ZMYND11: variants seen among roughly 807,000 people sequenced by gnomAD.
ZMYND11 encodes zinc finger MYND domain-containing protein 11.
Under a neutral mutation model 84.9 loss-of-function variants are expected in ZMYND11, and 9 were observed. That is an observed-to-expected ratio of 0.11 (90% CI 0.06 to 0.18). The LOEUF is 0.18. Ranked by LOEUF, ZMYND11 falls within the 10% of genes least tolerant of loss-of-function variation. The pLI, the probability that ZMYND11 is intolerant of heterozygous loss-of-function variation, is 1.00. For missense variants in ZMYND11, 409 were observed against 761.0 expected, an observed-to-expected ratio of 0.54 and a Z score of 5.44; for synonymous variants, 250 against 244.1, an observed-to-expected ratio of 1.02 and a Z score of -0.23.
intron 2 of ZMYND11, among the ~76,000 whole-genome samples, chr10:205,702 TA>T (rs946388721): frequency 2.0e-5 from 3 of 148,440 alleles, no homozygotes; most frequent in Non-Finnish European, 4.5e-5. Flanking sequence ...AAATAAAAAA[TA>T]AAAAAAAAGG....
chr10:160,168 C>A (rs1486656417), intron 1 of ZMYND11, among the ~76,000 whole-genome samples: 2 of 152,156 alleles, frequency 1.3e-5, no homozygotes, highest in Non-Finnish European at 2.9e-5. Context: ...TGGTTCCAGA[C>A]CACCACAACA....
At chr10:173,593 C>T (rs572179431) in intron 1 of ZMYND11, among the ~76,000 whole-genome samples, 1 of 152,146 alleles carries the variant, frequency 6.6e-6, no homozygotes, top group Admixed American at 6.6e-5. Context: ...CATGGTGGTG[C>T]ATGCCTGTAG....
In ZMYND11 at chr10:252,217, G is replaced by T. The variant is rs1253638391; in HGVS notation, c.1687-131G>T. The T allele has an allele frequency of 8.7e-7, 1 of 1,143,892 alleles. No homozygotes were observed. The highest frequency in any genetic ancestry group is 2.1e-5 in the Admixed American group (1 of 46,568). 70.9% of individuals were successfully genotyped at this position (1,143,892 alleles called of 1,614,324 possible). Reference sequence around the variant, plus strand: ...CCTTTCCATCTGCTGTGCATAAAACGTATTCAGATTCCACAAAAGGTTGAG... The same window carrying T: ...CCTTTCCATCTGCTGTGCATAAAACTTATTCAGATTCCACAAAAGGTTGAG... On this transcript the variant is annotated intron_variant, in intron 14 of 14. Transcript: ENST00000381604. This position sits in a 1 kb window ranked among gnomAD's most constrained non-coding sequence, Gnocchi z 4.6.
chr10:213,363 T>C (rs899050750), intron 3 of ZMYND11, among the ~76,000 whole-genome samples: 2 of 152,174 alleles, frequency 1.3e-5, no homozygotes, highest in Non-Finnish European at 2.9e-5. Flanking sequence ...CTTTATAGTT[T>C]TACCACCTTA....
At chr10:225,430 A>C (rs917411037) in intron 4 of ZMYND11, among the ~76,000 whole-genome samples, 4 of 152,130 alleles carry the variant, frequency 2.6e-5, no homozygotes, top group Non-Finnish European at 5.9e-5. Context: ...GGCTCACTGC[A>C]GCCTCAACCT....
chr10:197,338 T>A (rs960639958), intron 2 of ZMYND11, among the ~76,000 whole-genome samples: 2 of 152,180 alleles, frequency 1.3e-5, no homozygotes, highest in Non-Finnish European at 2.9e-5. Flanking sequence ...TATATTTCAT[T>A]GGAACTTCTC....
intron 1 of ZMYND11, among the ~76,000 whole-genome samples, chr10:165,224 T>G (rs1301799156): frequency 1.3e-5 from 2 of 152,108 alleles, no homozygotes; most frequent in Non-Finnish European, 2.9e-5. Context: ...CTAGTGGATA[T>G]TTTCAGTTCT....
rs1474766183 is a variant in ZMYND11, at chr10:238,386, TCACTCTG to T, written c.609+710_609+716del. On this transcript the variant is annotated intron_variant, in intron 6 of 14. Coordinates refer to ENST00000381604, the MANE Select transcript of ZMYND11 (RefSeq NM_001370100.5). ...TTCTTTTTTTTTTTGAGACGGAGTCTCACTCTGTCGCCCAGGCTGGAGTGCAGTGGTG... is the reference window on the plus strand; with the variant it reads ...TTCTTTTTTTTTTTGAGACGGAGTCTTCGCCCAGGCTGGAGTGCAGTGGTG... Among the ~76,000 whole-genome samples the T allele has an allele frequency of 5.9e-5, 9 of 152,052 alleles. No homozygotes were observed. The East Asian group carries it at 1.5e-3, about 26-fold the overall frequency.
At chr10:166,523 G>A (rs1332502728) in intron 1 of ZMYND11, among the ~76,000 whole-genome samples, 1 of 151,800 alleles carries the variant, frequency 6.6e-6, no homozygotes, top group East Asian at 1.9e-4. Context: ...GAAAAATTCA[G>A]GTCAAAACCC....
intron 3 of ZMYND11, among the ~76,000 whole-genome samples, chr10:219,370 TTTAATA>T (rs975231851): frequency 8.5e-4 from 130 of 152,334 alleles, no homozygotes; most frequent in African/African-American, 3.0e-3. Flanking sequence ...GCAATTTCTT[TTTAATA>T]TTGAGTCAAA....
chr10:145,232 ATATG>A (rs1423413390), intron 1 of ZMYND11, among the ~76,000 whole-genome samples: 5 of 150,900 alleles, frequency 3.3e-5, no homozygotes, highest in Non-Finnish European at 7.4e-5. Context: ...GTGTGTATAT[ATATG>A]TGTGTGTATG....
intron 1 of ZMYND11, among the ~76,000 whole-genome samples, chr10:139,316 G>A (rs1554753357): frequency 6.6e-6 from 1 of 152,004 alleles, no homozygotes; most frequent in Non-Finnish European, 1.5e-5. Flanking sequence ...TCTGAATAAA[G>A]GAAAACTGGT....
intron 3 of ZMYND11, 106 bp from the exon 4 acceptor site, chr10:221,089 T>C: frequency 1.0e-5 from 10 of 998,860 alleles, no homozygotes; most frequent in Non-Finnish European, 1.5e-5. Flanking sequence ...TGTCTTTAAA[T>C]TGTTTATGAT....
chr10:184,393 T>C (rs1437208509), intron 2 of ZMYND11, among the ~76,000 whole-genome samples: 1 of 152,188 alleles, frequency 6.6e-6, no homozygotes, highest in African/African-American at 2.4e-5. Flanking sequence ...TTTAATTCTT[T>C]TCATCTTTTT....
At chr10:190,142 C>G (rs1048401966) in intron 2 of ZMYND11, among the ~76,000 whole-genome samples, 7 of 152,096 alleles carry the variant, frequency 4.6e-5, no homozygotes, top group Non-Finnish European at 8.8e-5. Flanking sequence ...TTTTCCACCG[C>G]AGCTGGATTG....
At chr10:247,676 C>T (rs1369834253) in intron 12 of ZMYND11, among the ~76,000 whole-genome samples, 2 of 152,164 alleles carry the variant, frequency 1.3e-5, no homozygotes, top group African/African-American at 4.8e-5. Context: ...CGTACATGCT[C>T]CAAGTCTCCA....
chr10:241,886 T>G, intron 9 of ZMYND11, 135 bp from the exon 10 acceptor site: 1 of 1,097,950 alleles, frequency 9.1e-7, no homozygotes, highest in Non-Finnish European at 1.3e-6. Context: ...AGAAAAAAAA[T>G]CTCGTATGTG....
intron 4 of ZMYND11, among the ~76,000 whole-genome samples, chr10:223,068 C>G (rs1947417310): frequency 6.7e-6 from 1 of 150,134 alleles, no homozygotes; most frequent in African/African-American, 2.5e-5. Flanking sequence ...CTCTCTCTGT[C>G]ATCCAGGCTG....
intron 1 of ZMYND11, among the ~76,000 whole-genome samples, chr10:170,811 A>C (rs1243206183): frequency 1.3e-5 from 2 of 152,160 alleles, no homozygotes; most frequent in Non-Finnish European, 1.5e-5. Flanking sequence ...AATGGAACAT[A>C]GTGACAAACA....
Sources: gnomAD v4.1 joint callset for allele counts (sites outside exome capture counted in the v4.1 genomes callset) on GRCh38, gnomAD v4.1.1 for gene constraint, Gnocchi (gnomAD v3.1) non-coding constraint, MANE v1.5 for transcripts, NCBI Gene and HGNC (gene_info 2026-07-23, HGNC 2026-07-21) for gene names.